Variants in ABTB2 observed in about 807,000 individuals in gnomAD.
ABTB2 encodes ankyrin repeat and BTB/POZ domain-containing protein 2.
In ABTB2, 56 loss-of-function variants were observed where a neutral mutation model predicts 104.1. The ratio of observed to expected loss-of-function variants is 0.54; its 90% CI spans 0.43 to 0.67. The LOEUF (loss-of-function observed/expected upper bound fraction) is 0.67. Among genes scored for constraint, ABTB2 ranks in the 30% least tolerant of loss-of-function variants. The probability of loss-of-function intolerance (pLI) is 0.00; values close to 1 mark genes in which losing one functional copy is unlikely to be tolerated. For synonymous variants in ABTB2, 606 were observed against 608.2 expected (o/e 1.00, Z 0.05); for missense variants, 1,279 against 1,407.7 (o/e 0.91, Z 1.46).
intron 1 of ABTB2, among the ~76,000 whole-genome samples, chr11:34,326,000 T>TAAAATAAAATAAAATAAAAC (rs1432765249): frequency 4.0e-5 from 6 of 148,754 alleles, no homozygotes; most frequent in Admixed American, 6.7e-5. Flanking sequence ...TAAAATAAAA[T>TAAAATAAAATAAAATAAAAC]AAAATAAAAT....
chr11:34,285,328 C>T (rs1048550858), intron 1 of ABTB2, among the ~76,000 whole-genome samples: 4 of 152,062 alleles, frequency 2.6e-5, no homozygotes, highest in East Asian at 1.9e-4. Context: ...CGATCACTAT[C>T]GGGGGTCCCT....
intron 1 of ABTB2, among the ~76,000 whole-genome samples, chr11:34,264,225 G>A (rs1854221282): frequency 6.6e-6 from 1 of 152,200 alleles, no homozygotes; most frequent in African/African-American, 2.4e-5. Flanking sequence ...TCGAGGCCGA[G>A]AGTTCAAAGC....
chr11:34,287,185 GAAAAAA>G (rs34599793), intron 1 of ABTB2, among the ~76,000 whole-genome samples: 1 of 105,926 alleles, frequency 9.4e-6, no homozygotes, highest in Non-Finnish European at 2.0e-5. Context: ...TGTCTTTATT[GAAAAAA>G]AAAAAAAAAA....
At chr11:34,218,564 C>G (rs1853574536) in intron 1 of ABTB2, among the ~76,000 whole-genome samples, 1 of 152,028 alleles carries the variant, frequency 6.6e-6, no homozygotes, top group Non-Finnish European at 1.5e-5. Flanking sequence ...AAAAGGCTAT[C>G]TTTGGCTGGG....
chr11:34,164,651 T>C (rs1852772249), intron 9 of ABTB2, 35 bp downstream of exon 9: 1 of 1,454,644 alleles, frequency 6.9e-7, no homozygotes, highest in Non-Finnish European at 9.0e-7. Flanking sequence ...TTCAGTGCCC[T>C]CATGTCACAC....
At chr11:34,275,892 G>A (rs1159010137) in intron 1 of ABTB2, among the ~76,000 whole-genome samples, 1 of 152,184 alleles carries the variant, frequency 6.6e-6, no homozygotes, top group Non-Finnish European at 1.5e-5. Context: ...TCCCACAGGT[G>A]GAAGAGGTCA....
rs1852539573 is a variant in ABTB2 at position 34,151,611 on chromosome 11, G to A, written c.*776C>T. 6.6e-6 allele frequency: 1 copy of A among 152,334 alleles called. No homozygotes were observed. Among genetic ancestry groups the A allele is most frequent in the Non-Finnish European group, 1.5e-5 (1 of 68,156 alleles). The allele number at this position is 152,334 out of a possible 1,614,324, so 9.4% of individuals were successfully genotyped here. A position where few individuals can be genotyped will look rare whatever the true frequency, so the allele number is the denominator to read the frequency against. ...TAAAACCAGCAGCAAAACAAGAGCT[G>A]AGGCCATTCCTACACAGCACCCCAT... is the stretch of plus-strand genomic sequence containing the variant. On this transcript the variant is annotated 3_prime_UTR_variant, in exon 17 of 17. Coordinates refer to ENST00000435224, the MANE Select transcript of ABTB2 (RefSeq NM_145804.3).
chr11:34,195,359 C>T (rs1853241866), intron 3 of ABTB2, among the ~76,000 whole-genome samples: 2 of 152,358 alleles, frequency 1.3e-5, no homozygotes, highest in South Asian at 4.1e-4. Context: ...ACAGCTGGGG[C>T]TTAGGGCCTA....
chr11:34,158,059 G>A (rs1212692139), intron 14 of ABTB2, among the ~76,000 whole-genome samples: 5 of 152,182 alleles, frequency 3.3e-5, no homozygotes, highest in Non-Finnish European at 5.9e-5. Flanking sequence ...TGGAAACCAA[G>A]CAAAGCACTT....
At chr11:34,303,636 C>CT (rs35677380) in intron 1 of ABTB2, among the ~76,000 whole-genome samples, 2,773 of 79,128 alleles carry the variant, frequency 0.035, 93 homozygotes, top group Non-Finnish European at 0.042. Flanking sequence ...ACTATGGGTG[C>CT]TTTTTTTTTT....
At chr11:34,279,741 T>G (rs187622895) in intron 1 of ABTB2, among the ~76,000 whole-genome samples, 3 of 152,162 alleles carry the variant, frequency 2.0e-5, no homozygotes, top group Non-Finnish European at 4.4e-5. Flanking sequence ...GAAAATAACT[T>G]TTACAGCCAG....
intron 1 of ABTB2, among the ~76,000 whole-genome samples, chr11:34,349,218 C>A (rs1173714872): frequency 6.6e-6 from 1 of 152,168 alleles, no homozygotes; most frequent in Non-Finnish European, 1.5e-5. Flanking sequence ...CAAGCAGGGT[C>A]CAATATCCAC....
chr11:34,319,374 A>G (rs1318137848), intron 1 of ABTB2, among the ~76,000 whole-genome samples: 1 of 152,224 alleles, frequency 6.6e-6, no homozygotes, highest in Admixed American at 6.5e-5. Context: ...AGGTCCCACC[A>G]GGACCAGCTG....
rs1277941189 is a variant in ABTB2 at position 34,338,610 on chromosome 11, G to T, written c.883+18091C>A. Among the ~76,000 whole-genome samples, 4 of 151,964 alleles carry T rather than the reference G, an allele frequency of 2.6e-5. 1 individual carries two copies. In the South Asian group the frequency reaches 8.3e-4, roughly 32 times the overall value. On this transcript the variant is annotated intron_variant, in intron 1 of 16. Coordinates refer to ENST00000435224, the MANE Select transcript of ABTB2 (RefSeq NM_145804.3). ...AGTCCCAGCTACTTGGGAGGCTGAG[G>T]TGGCAGAATCACTTGAACCGGGGCA...
intron 1 of ABTB2, among the ~76,000 whole-genome samples, chr11:34,268,065 G>T (rs1854271786): frequency 6.6e-6 from 1 of 151,946 alleles, no homozygotes; most frequent in African/African-American, 2.4e-5. Context: ...TGAGTAGCTG[G>T]GACTATAGGC....
At chr11:34,347,392 C>T (rs975945445) in intron 1 of ABTB2, among the ~76,000 whole-genome samples, 3 of 152,012 alleles carry the variant, frequency 2.0e-5, no homozygotes, top group Non-Finnish European at 4.4e-5. Flanking sequence ...GCTGAGATCG[C>T]AGCACTGCAC....
At chr11:34,240,115 G>T (rs2133062585) in intron 1 of ABTB2, among the ~76,000 whole-genome samples, 1 of 152,290 alleles carries the variant, frequency 6.6e-6, no homozygotes, top group Admixed American at 6.5e-5. Context: ...ACTCATTATA[G>T]CCCATTTTTT....
In ABTB2 at chr11:34,168,081, C is replaced by T. The variant is rs115642205; in HGVS notation, c.1564-89G>A. On this transcript the variant is annotated intron_variant, in intron 5 of 16. Transcript: ENST00000435224. ...GGCCTCTGCCCCAGAAACCACAGAT[C>T]GGGCACCCCGCCACCCCAGCCGAGC... 5.9e-5 allele frequency: 78 copies of T among 1,324,792 alleles called. 1 individual carries two copies. Among genetic ancestry groups the T allele is most frequent in the East Asian group, 4.3e-4 (17 of 39,916 alleles). The allele number at this position is 1,324,792 out of a possible 1,614,324, so 82.1% of individuals were successfully genotyped here.
At chr11:34,254,428 T>C (rs757107528) in intron 1 of ABTB2, among the ~76,000 whole-genome samples, 13 of 149,850 alleles carry the variant, frequency 8.7e-5, no homozygotes, top group Non-Finnish European at 1.5e-4. Context: ...TTGTATTTTC[T>C]TTTTTTGTAG....
Sources: gnomAD v4.1 joint callset for allele counts (sites outside exome capture counted in the v4.1 genomes callset) on GRCh38, gnomAD v4.1.1 for gene constraint, MANE v1.5 for transcripts, NCBI Gene and HGNC (gene_info 2026-07-23, HGNC 2026-07-21) for gene names.